The following PALLD variants were observed in gnomAD, a reference collection of about 807,000 sequenced individuals.
PALLD encodes palladin, cytoskeletal associated protein.
Under a neutral mutation model 123.5 loss-of-function variants are expected in PALLD, and 61 were observed. The observed-to-expected ratio is 0.49, with a 90% CI of 0.40 to 0.61. The LOEUF (loss-of-function observed/expected upper bound fraction) is 0.61, where lower values mean the gene tolerates loss of function less well. Among genes scored for constraint, PALLD ranks in the 20% least tolerant of loss-of-function variants. The pLI is 0.00. For synonymous variants in PALLD, 465 were observed against 496.4 expected (o/e 0.94, Z 0.84); for missense variants, 1,273 against 1,377.0 (o/e 0.92, Z 1.20).
intron 2 of PALLD, among the ~76,000 whole-genome samples, chr4:168,573,681 TA>T (rs776060129): frequency 1.2e-4 from 18 of 152,106 alleles, no homozygotes; most frequent in Non-Finnish European, 2.6e-4. Flanking sequence ...CTGAGAGGGT[TA>T]GAAAAGGATC....
Position 168,539,772 on chromosome 4 carries a change from G to A in PALLD, c.908+27360G>A, listed in dbSNP as rs189115437. ...GATTCTTCCAAACTAAAACACAGCT[G>A]CATATAATTCAGATTTATTATACTT... is the stretch of plus-strand genomic sequence containing the variant. On this transcript the variant is annotated intron_variant, in intron 2 of 21. Transcript: ENST00000505667. 1.1e-4 allele frequency among the ~76,000 whole-genome samples: 17 copies of A among 151,952 alleles called. No individual in the cohort carries two copies. The South Asian group carries it at 2.9e-3, about 26-fold the overall frequency.
intron 2 of PALLD, among the ~76,000 whole-genome samples, chr4:168,526,618 T>C (rs1022275145): frequency 2.6e-5 from 4 of 152,196 alleles, no homozygotes; most frequent in Non-Finnish European, 5.9e-5. Flanking sequence ...TTTCCTTTCA[T>C]CATGCAAACA....
chr4:168,699,719 G>T (rs751272065), intron 8 of PALLD, among the ~76,000 whole-genome samples: 4 of 152,046 alleles, frequency 2.6e-5, no homozygotes, highest in Non-Finnish European at 5.9e-5. Flanking sequence ...GTTGCCTTCT[G>T]GGAGATATTG....
At position 168,711,888 on chromosome 4, in the gene PALLD, T is replaced by C. The variant is rs1468308884; in HGVS notation, c.1929T>C (p.Thr643=). 3.1e-6 allele frequency: 5 copies of C among 1,613,968 alleles called. No individual in the cohort carries two copies. The highest frequency in any genetic ancestry group is 1.7e-5 in the Admixed American group (1 of 59,990). ...LPTPAVLLSP[T]KEPPPLLAKP... ...CACCAGCTGTCCTGCTTTCACCCAC[T>C]AAGGAGCCACCACCTCTGCTTGCCA... Residue 643 remains threonine (T), a synonymous_variant, in exon 10 of 22, where the codon ACT becomes ACC. Transcript: ENST00000505667.
At chr4:168,525,320 A>G (rs957490552) in intron 2 of PALLD, among the ~76,000 whole-genome samples, 6 of 152,244 alleles carry the variant, frequency 3.9e-5, no homozygotes, top group African/African-American at 1.4e-4. Flanking sequence ...AAGCATGAAG[A>G]TTGAAGAAAT....
intron 10 of PALLD, among the ~76,000 whole-genome samples, chr4:168,810,592 G>A (rs1299775356): frequency 1.3e-5 from 2 of 150,618 alleles, no homozygotes; most frequent in African/African-American, 2.4e-5. Context: ...GCAGTGAGCC[G>A]AGATCGCACC....
intron 10 of PALLD, among the ~76,000 whole-genome samples, chr4:168,765,409 G>T (rs557702136): frequency 2.9e-4 from 44 of 152,086 alleles, no homozygotes; most frequent in Non-Finnish European, 5.7e-4. Context: ...CACAAGGGTA[G>T]GAATGTACTG....
chr4:168,794,506 GCACACA>G (rs57496563), intron 10 of PALLD, among the ~76,000 whole-genome samples: 307 of 143,954 alleles, frequency 2.1e-3, no homozygotes, highest in African/African-American at 5.0e-3. Flanking sequence ...ACACACACAC[GCACACA>G]CACACACACA....
At chr4:168,903,646 A>T in intron 14 of PALLD, 111 bp from the exon 15 acceptor site, 2 of 874,180 alleles carry the variant, frequency 2.3e-6, no homozygotes, top group Non-Finnish European at 3.8e-6. Context: ...TTAACATTTT[A>T]ACATGAAAAC....
At chr4:168,758,869 C>G (rs181047773) in intron 10 of PALLD, among the ~76,000 whole-genome samples, 2 of 151,712 alleles carry the variant, frequency 1.3e-5, no homozygotes, top group East Asian at 3.9e-4. Context: ...AAATGGATTT[C>G]TTAGATTAAA....
At chr4:168,757,504 G>A (rs887934938) in intron 10 of PALLD, among the ~76,000 whole-genome samples, 1 of 152,198 alleles carries the variant, frequency 6.6e-6, no homozygotes, top group African/African-American at 2.4e-5. Flanking sequence ...TCTATTATGA[G>A]AACAACTCTC....
chr4:168,916,653 C>T (rs1195520179), intron 17 of PALLD, among the ~76,000 whole-genome samples: 6 of 151,196 alleles, frequency 4.0e-5, no homozygotes, highest in Non-Finnish European at 7.4e-5. Flanking sequence ...CATATATCTA[C>T]TCTGACTTTT....
At chr4:168,665,987 A>G (rs1779612273) in intron 2 of PALLD, among the ~76,000 whole-genome samples, 1 of 152,328 alleles carries the variant, frequency 6.6e-6, no homozygotes, top group Non-Finnish European at 1.5e-5. Flanking sequence ...CCAAAAAAAA[A>G]AAACCTTATT....
At position 168,734,032 on chromosome 4, in the gene PALLD, G is replaced by A. The variant is rs546060857; in HGVS notation, c.1964+22109G>A. 3.9e-5 allele frequency among the ~76,000 whole-genome samples: 6 copies of A among 152,210 alleles called. No individual in the cohort carries two copies. The South Asian group carries it at 6.2e-4, about 16-fold the overall frequency. On this transcript the variant is annotated intron_variant, in intron 10 of 21. Coordinates refer to ENST00000505667, the MANE Select transcript of PALLD (RefSeq NM_001166108.2). ...TTACAGGCGTTGAGCCACCACGCCCGGCCACAGAAATGTTTTAAGTAGTAA... is the reference window on the plus strand; with the variant it reads ...TTACAGGCGTTGAGCCACCACGCCCAGCCACAGAAATGTTTTAAGTAGTAA...
In PALLD at chr4:168,542,195, C is replaced by T. The variant is rs563183716; in HGVS notation, c.908+29783C>T. 1.1e-4 allele frequency among the ~76,000 whole-genome samples: 17 copies of T among 152,210 alleles called. No individual in the cohort carries two copies. In the South Asian group the frequency reaches 3.5e-3, roughly 32 times the overall value. ...TGTCAGTCACCCAGGTAGTGAATGA[C>T]ATGTCCAAGACTCTAGCCTGAGCAG... On this transcript the variant is annotated intron_variant, in intron 2 of 21. Coordinates refer to ENST00000505667, the MANE Select transcript of PALLD (RefSeq NM_001166108.2).
chr4:168,707,066 T>C (rs183046778), intron 8 of PALLD, among the ~76,000 whole-genome samples: 1 of 152,196 alleles, frequency 6.6e-6, no homozygotes, highest in Non-Finnish European at 1.5e-5. Context: ...ACAAAAATGT[T>C]TTTTTTAAAC....
intron 10 of PALLD, among the ~76,000 whole-genome samples, chr4:168,718,353 ATAAC>A (rs1437957930): frequency 8.5e-5 from 13 of 152,378 alleles, no homozygotes; most frequent in African/African-American, 2.9e-4. Flanking sequence ...TTGGGACAAA[ATAAC>A]TAACAAAGGG....
chr4:168,803,701 A>G lies in PALLD; in HGVS notation c.1965-87221A>G, dbSNP rs549755616. 2.8e-4 allele frequency among the ~76,000 whole-genome samples: 42 copies of G among 148,518 alleles called. No individual in the cohort carries two copies. The South Asian group carries it at 7.2e-3, about 26-fold the overall frequency. ...CCCTGTCTCAAAAAAAAAAAAAAGA[A>G]AAAAGGAAAATTGTCCAAGGAATTT... On this transcript the variant is annotated intron_variant, in intron 10 of 21. Transcript: ENST00000505667.
At chr4:168,516,089 C>T (rs1320692537) in intron 2 of PALLD, among the ~76,000 whole-genome samples, 1 of 152,118 alleles carries the variant, frequency 6.6e-6, no homozygotes, top group Non-Finnish European at 1.5e-5. Flanking sequence ...AATATGTTTT[C>T]CTCCTTTATT....
Sources: gnomAD v4.1 joint callset for allele counts (sites outside exome capture counted in the v4.1 genomes callset) on GRCh38, gnomAD v4.1.1 for gene constraint, MANE v1.5 for transcripts, NCBI Gene and HGNC (gene_info 2026-07-23, HGNC 2026-07-21) for gene names.